Variants in DCDC2 observed in about 807,000 individuals in gnomAD.
DCDC2 encodes doublecortin domain containing 2.
In DCDC2, 40 loss-of-function variants were observed where a neutral mutation model predicts 50.2. The observed-to-expected ratio is 0.80, with a 90% CI of 0.62 to 1.04. The LOEUF (loss-of-function observed/expected upper bound fraction) is 1.04. Ranked by LOEUF, DCDC2 falls within the 50% of genes least tolerant of loss-of-function variation. DCDC2 has a pLI of 0.00. For missense variants in DCDC2, 570 were observed against 581.9 expected (o/e 0.98, Z 0.21); for synonymous variants, 234 against 210.6 (o/e 1.11, Z -0.96).
chr6:24,362,096 T>A (rs74695042), upstream of DCDC2, among the ~76,000 whole-genome samples: 1,381 of 152,254 alleles, frequency 9.1e-3, 22 homozygotes, highest in African/African-American at 0.03. Context: ...AGCAGACTTG[T>A]GTAACTTTAA....
chr6:24,382,009 A>AAGGAAGGAAGGCAGGCAGGC, the DCDC2 span, among the ~76,000 whole-genome samples: 62 of 116,494 alleles, frequency 5.3e-4, no homozygotes, highest in South Asian at 5.1e-3. Context: ...GGAAGGAAGG[A>AAGGAAGGAAGGCAGGCAGGC]AGGCAGGCAA....
chr6:24,342,848 T>C (rs1282782166), intron 2 of DCDC2, among the ~76,000 whole-genome samples: 2 of 152,150 alleles, frequency 1.3e-5, no homozygotes. Flanking sequence ...ATTAATTGGG[T>C]CTAAATAATA....
chr6:24,287,754 G>T (rs1449259666), intron 6 of DCDC2, among the ~76,000 whole-genome samples: 1 of 152,134 alleles, frequency 6.6e-6, no homozygotes, highest in Non-Finnish European at 1.5e-5. Flanking sequence ...AACTTCCTCT[G>T]TGGACTGCTG....
intron 7 of DCDC2, among the ~76,000 whole-genome samples, chr6:24,232,623 C>T (rs955931437): frequency 6.6e-6 from 1 of 152,202 alleles, no homozygotes; most frequent in Non-Finnish European, 1.5e-5. Flanking sequence ...TTCACTTACA[C>T]CAGCCATGCT....
chr6:24,199,368 C>A (rs1240041679), intron 8 of DCDC2, among the ~76,000 whole-genome samples: 1 of 152,176 alleles, frequency 6.6e-6, no homozygotes, highest in African/African-American at 2.4e-5. Context: ...CCCAGGCAAA[C>A]AGAGTCTGGG....
chr6:24,197,247 T>A (rs980500808), intron 8 of DCDC2, among the ~76,000 whole-genome samples: 9 of 152,226 alleles, frequency 5.9e-5, no homozygotes. Flanking sequence ...TCGAGCATTA[T>A]CAGAGATCAA....
intron 7 of DCDC2, among the ~76,000 whole-genome samples, chr6:24,270,308 T>C (rs1461775636): frequency 6.6e-6 from 1 of 152,228 alleles, no homozygotes; most frequent in Non-Finnish European, 1.5e-5. Flanking sequence ...TGTTTATCCA[T>C]TCTAAGTATT....
At chr6:24,284,362 C>A (rs1026156959) in intron 6 of DCDC2, among the ~76,000 whole-genome samples, 3 of 151,920 alleles carry the variant, frequency 2.0e-5, no homozygotes, top group Non-Finnish European at 2.9e-5. Context: ...CATCCCAACA[C>A]TTTGAGAGGC....
intron 7 of DCDC2, among the ~76,000 whole-genome samples, chr6:24,265,982 A>G (rs1763112719): frequency 6.6e-6 from 1 of 151,918 alleles, no homozygotes; most frequent in Non-Finnish European, 1.5e-5. Flanking sequence ...ACAAATTTTT[A>G]GCCAGACTAA....
chr6:24,276,036 AT>A lies in DCDC2; in HGVS notation c.922+2012del, dbSNP rs537232367. On this transcript the variant is annotated intron_variant, in intron 7 of 9. Coordinates refer to ENST00000378454, the MANE Select transcript of DCDC2 (RefSeq NM_016356.5). ...AGGTGCATGCCACTGTGCCCCACTA[AT>A]TTTTTTTATTTGTTTTGTAGAAACG... is the stretch of plus-strand genomic sequence containing the variant. Among the ~76,000 whole-genome samples the A allele has an allele frequency of 7.6e-4, 115 of 151,400 alleles. 1 individual carries two copies. Among genetic ancestry groups the A allele is most frequent in the Admixed American group, 6.6e-3 (101 of 15,196 alleles).
chr6:24,288,775 A>T, intron 6 of DCDC2, 77 bp downstream of exon 6: 1 of 1,365,432 alleles, frequency 7.3e-7, no homozygotes, highest in African/African-American at 1.4e-5. Context: ...CTTGGAACTT[A>T]ATTGAAGCCC....
In DCDC2 at chr6:24,273,281, C is replaced by T. The variant is rs536170759; in HGVS notation, c.922+4768G>A. Among the ~76,000 whole-genome samples the T allele has an allele frequency of 2.6e-5, 4 of 152,016 alleles. No individual in the cohort carries two copies. In the South Asian group the frequency reaches 6.3e-4, roughly 24 times the overall value. ...GACAGACACTGGAGACTCGGAAAGG[C>T]GGAAGGGTGGGAGCAGGAAGAGGTA... On this transcript the variant is annotated intron_variant, in intron 7 of 9. Transcript: ENST00000378454.
intron 7 of DCDC2, among the ~76,000 whole-genome samples, chr6:24,244,845 G>A (rs1209501464): frequency 6.6e-6 from 1 of 152,226 alleles, no homozygotes; most frequent in African/African-American, 2.4e-5. Flanking sequence ...GGATTGAGGT[G>A]ACACAGACCC....
intron 8 of DCDC2, 73 bp from the exon 9 acceptor site, chr6:24,178,705 T>C: frequency 7.2e-7 from 1 of 1,379,420 alleles, no homozygotes; most frequent in Non-Finnish European, 9.9e-7. Flanking sequence ...ATCATAGTAA[T>C]GTAATACTTA....
intron 6 of DCDC2, among the ~76,000 whole-genome samples, chr6:24,283,875 A>AG (rs1385375306): frequency 1.1e-4 from 16 of 152,222 alleles, no homozygotes; most frequent in African/African-American, 3.9e-4. Context: ...GCACTGTGCC[A>AG]GGGGTTATTC....
At chr6:24,326,133 A>G (rs1054490402) in intron 2 of DCDC2, among the ~76,000 whole-genome samples, 1 of 145,338 alleles carries the variant, frequency 6.9e-6, no homozygotes, top group African/African-American at 2.5e-5. Context: ...GAAAAATAAA[A>G]AGAAGGAAAG....
At chr6:24,379,739 A>C in the DCDC2 span, among the ~76,000 whole-genome samples, 1 of 152,180 alleles carries the variant, frequency 6.6e-6, no homozygotes, top group South Asian at 2.1e-4. Context: ...ACACATGTAC[A>C]CGAATGTTTA....
intron 2 of DCDC2, among the ~76,000 whole-genome samples, chr6:24,349,529 T>C (rs1287750322): frequency 6.6e-6 from 1 of 152,030 alleles, no homozygotes. Context: ...TCCAACTGCA[T>C]GAGGACAGAG....
intron 2 of DCDC2, among the ~76,000 whole-genome samples, chr6:24,330,009 A>G (rs1159410928): frequency 1.3e-5 from 2 of 152,186 alleles, no homozygotes; most frequent in Non-Finnish European, 2.9e-5. Flanking sequence ...AAAAAGAATG[A>G]TACTCCATCC....
Sources: allele counts gnomAD v4.1 joint callset (sites outside exome capture counted in the v4.1 genomes callset), GRCh38; gene constraint gnomAD v4.1.1; transcripts MANE v1.5; gene names NCBI Gene and HGNC (gene_info 2026-07-23, HGNC 2026-07-21).